The following RAB3GAP2 variants were observed in gnomAD, a reference collection of about 807,000 sequenced individuals.
The protein encoded by RAB3GAP2 is RAB3 GTPase activating non-catalytic protein subunit 2.
A neutral mutation model predicts 185.3 loss-of-function variants in RAB3GAP2; 87 were observed. The ratio of observed to expected loss-of-function variants is 0.47; its 90% CI spans 0.39 to 0.56. RAB3GAP2 has a LOEUF of 0.56. RAB3GAP2 is among the 20% of genes least tolerant of loss of function. The pLI is 0.00. For missense variants in RAB3GAP2, 1,492 were observed against 1,638.2 expected, an observed-to-expected ratio of 0.91 and a Z score of 1.54; for synonymous variants, 554 against 576.1, an observed-to-expected ratio of 0.96 and a Z score of 0.55.
In RAB3GAP2 at chr1:220,245,774, C is replaced by T. The variant is rs931029823; in HGVS notation, c.116-12911G>A. ...TGCAGACTTAAATGTCCCTGTCTGA[C>T]AGCTTTGAAGAGAGCAGTGGTTCTC... is the stretch of plus-strand genomic sequence containing the variant. On this transcript the variant is annotated intron_variant, in intron 1 of 34. Transcript: ENST00000358951. Among the ~76,000 whole-genome samples the T allele has an allele frequency of 6.6e-5, 10 of 152,296 alleles. No homozygotes were observed. In the East Asian group the frequency reaches 1.9e-3, roughly 30 times the overall value.
chr1:220,180,482 T>C (rs886064462), intron 21 of RAB3GAP2, among the ~76,000 whole-genome samples: 1 of 151,860 alleles, frequency 6.6e-6, no homozygotes, highest in African/African-American at 2.4e-5. Context: ...ACCATAGAAA[T>C]ACAAAGGATC....
intron 1 of RAB3GAP2, among the ~76,000 whole-genome samples, chr1:220,250,966 T>C (rs552545582): frequency 3.9e-5 from 6 of 152,194 alleles, no homozygotes; most frequent in Non-Finnish European, 5.9e-5. Flanking sequence ...GTTATTTCCT[T>C]ACAGCAGTGT....
chr1:220,208,747 C>T (rs1056770757), intron 7 of RAB3GAP2, among the ~76,000 whole-genome samples: 2 of 151,398 alleles, frequency 1.3e-5, no homozygotes, highest in South Asian at 2.1e-4. Flanking sequence ...GACGGAGTCT[C>T]GCTCTGTCGC....
At chr1:220,221,647 T>C (rs1298373397) in intron 2 of RAB3GAP2, among the ~76,000 whole-genome samples, 1 of 152,214 alleles carries the variant, frequency 6.6e-6, no homozygotes, top group Non-Finnish European at 1.5e-5. Flanking sequence ...AAAGTTTTCT[T>C]AATCTACAAA....
chr1:220,248,340 A>C (rs984744246), intron 1 of RAB3GAP2, among the ~76,000 whole-genome samples: 1 of 152,214 alleles, frequency 6.6e-6, no homozygotes, highest in African/African-American at 2.4e-5. Context: ...AAATTAGCTA[A>C]GGGAGTAGAT....
chr1:220,245,779 T>C (rs1234127815), intron 1 of RAB3GAP2, among the ~76,000 whole-genome samples: 1 of 152,110 alleles, frequency 6.6e-6, no homozygotes, highest in African/African-American at 2.4e-5. Flanking sequence ...TCTGACAGCT[T>C]TGAAGAGAGC....
rs1056293910 is a variant in RAB3GAP2, at chr1:220,187,992, C to T, written c.1779+1711G>A. Among the ~76,000 whole-genome samples the T allele has an allele frequency of 2.0e-4, 31 of 151,678 alleles. 1 individual carries two copies. Among genetic ancestry groups the T allele is most frequent in the African/African-American group, 7.3e-4 (30 of 41,350 alleles). ...TTGTGGGACTGAGCTCTTAACCTGT[C>T]GTGATGATCTCATGCTATCTCCAGG... On this transcript the variant is annotated intron_variant, in intron 17 of 34. Coordinates refer to ENST00000358951, the MANE Select transcript of RAB3GAP2 (RefSeq NM_012414.4).
intron 21 of RAB3GAP2, among the ~76,000 whole-genome samples, chr1:220,180,030 C>T (rs886223108): frequency 3.3e-5 from 5 of 152,084 alleles, no homozygotes; most frequent in South Asian, 2.1e-4. Flanking sequence ...GGTGTGGTGG[C>T]GCATGCCTGT....
At chr1:220,233,862 G>A (rs1478567064) in intron 1 of RAB3GAP2, among the ~76,000 whole-genome samples, 7 of 152,036 alleles carry the variant, frequency 4.6e-5, no homozygotes, top group African/African-American at 1.2e-4. Flanking sequence ...CACCACGCCC[G>A]GCTGATTTTT....
intron 1 of RAB3GAP2, among the ~76,000 whole-genome samples, chr1:220,252,040 T>A (rs1386333485): frequency 6.6e-6 from 1 of 151,224 alleles, no homozygotes; most frequent in Non-Finnish European, 1.5e-5. Flanking sequence ...TAGTCCCAGT[T>A]ATTTGGGGAG....
chr1:220,223,603 G>C (rs1659348038), intron 2 of RAB3GAP2, among the ~76,000 whole-genome samples: 1 of 151,520 alleles, frequency 6.6e-6, no homozygotes, highest in Non-Finnish European at 1.5e-5. Flanking sequence ...AAATACCTGA[G>C]AACAGCAAGA....
At position 220,257,687 on chromosome 1, in the gene RAB3GAP2, A is replaced by G. The variant is rs905171222; in HGVS notation, c.115+14536T>C. Among the ~76,000 whole-genome samples the G allele has an allele frequency of 2.0e-5, 3 of 152,142 alleles. No homozygotes were observed. In the South Asian group the frequency reaches 6.2e-4, roughly 32 times the overall value. ...AAGAACTAGAGAACCAAGAGTAAAT[A>G]AACCCCAAAGCTTGCAGAAGACAAG... On this transcript the variant is annotated intron_variant, in intron 1 of 34. Transcript: ENST00000358951.
chr1:220,213,509 A>G (rs1257612558), intron 3 of RAB3GAP2, among the ~76,000 whole-genome samples: 3 of 151,942 alleles, frequency 2.0e-5, no homozygotes, highest in Non-Finnish European at 4.4e-5. Context: ...TTAGAGTTGA[A>G]AATCACCTCA....
chr1:220,172,675 C>G lies in RAB3GAP2; in HGVS notation c.2378G>C (p.Cys793Ser), dbSNP rs766431062. ...DILDKPQSIC[C>S]LHTMLSLLSK... ...CAGGAGGGACAGCATGGTATGAAGA[C>G]AGCAGATTGACTGTGGTTTATCCAA... The change falls in exon 22 of 35, where the codon TGT (cysteine) becomes TCT (serine). Residue 793 changes from cysteine to serine, a missense_variant. Transcript: ENST00000358951. The G allele has an allele frequency of 6.2e-7, 1 of 1,613,200 alleles. No individual in the cohort carries two copies. Among genetic ancestry groups the G allele is most frequent in the South Asian group, 1.1e-5 (1 of 91,064 alleles).
intron 27 of RAB3GAP2, among the ~76,000 whole-genome samples, chr1:220,162,794 T>C (rs1016015232): frequency 6.6e-6 from 1 of 152,182 alleles, no homozygotes; most frequent in Non-Finnish European, 1.5e-5. Flanking sequence ...TATGAGATTG[T>C]TGGGAACAGT....
chr1:220,213,127 A>T (rs1002938318), intron 3 of RAB3GAP2, among the ~76,000 whole-genome samples, 159 bp from the exon 4 acceptor site: 10 of 152,218 alleles, frequency 6.6e-5, no homozygotes, highest in African/African-American at 2.4e-4. Context: ...TAAGATAAAC[A>T]TGTTTATAAG....
rs767921589 is a variant in RAB3GAP2 at position 220,172,632 on chromosome 1, T to G, written c.2416+5A>C. 1.3e-6 allele frequency: 2 copies of G among 1,593,300 alleles called. No individual in the cohort carries two copies. Among genetic ancestry groups the G allele is most frequent in the African/African-American group, 2.7e-5 (2 of 74,454 alleles). On this transcript the variant is annotated splice_donor_5th_base_variant and intron_variant, in intron 22 of 34. Transcript: ENST00000358951. Reference sequence around the variant, plus strand: ...TTGTTGACGAGAGCAACAAACTTTGTTTACCTTTCATCTTGCTCAGGAGGG... The same window carrying G: ...TTGTTGACGAGAGCAACAAACTTTGGTTACCTTTCATCTTGCTCAGGAGGG...
Position 220,272,356 on chromosome 1 carries a change from T to G in RAB3GAP2, c.-19A>C. ...AGGCCATGGCTCCAGGGAACCCCAC[T>G]ACGGCACTCACCTTACCTCACCACG... On this transcript the variant is annotated 5_prime_UTR_variant, in exon 1 of 35. Coordinates refer to ENST00000358951, the MANE Select transcript of RAB3GAP2 (RefSeq NM_012414.4). The G allele has an allele frequency of 3.2e-6, 5 of 1,574,516 alleles. No homozygotes were observed. The highest frequency in any genetic ancestry group is 4.3e-6 in the Non-Finnish European group (5 of 1,150,802).
intron 1 of RAB3GAP2, 53 bp downstream of exon 1, chr1:220,272,170 G>C (rs536862199): frequency 5.5e-6 from 8 of 1,456,650 alleles, no homozygotes; most frequent in South Asian, 1.2e-5. Flanking sequence ...GAACCCGTGA[G>C]CAGAGGCCGC....
Sources: gnomAD v4.1 joint callset for allele counts (sites outside exome capture counted in the v4.1 genomes callset) on GRCh38, gnomAD v4.1.1 for gene constraint, MANE v1.5 for transcripts, NCBI Gene and HGNC (gene_info 2026-07-23, HGNC 2026-07-21) for gene names.